The following USP5 variants were observed in gnomAD, a reference collection of about 807,000 sequenced individuals.
USP5 encodes the protein ubiquitin carboxyl-terminal hydrolase 5.
Under a neutral mutation model 102.5 loss-of-function variants are expected in USP5, and 24 were observed. That is an observed-to-expected ratio of 0.23 (90% CI 0.17 to 0.33). The LOEUF (loss-of-function observed/expected upper bound fraction) is 0.33. Among genes scored for constraint, USP5 ranks in the 10% least tolerant of loss-of-function variants. USP5 has a pLI of 1.00. For synonymous variants in USP5, 460 were observed against 434.8 expected, an observed-to-expected ratio of 1.06 and a Z score of -0.72; for missense variants, 753 against 1,122.1, an observed-to-expected ratio of 0.67 and a Z score of 4.70.
Position 6,866,414 on chromosome 12 carries a change from G to C in USP5, c.*337G>C, listed in dbSNP as rs1252484178. The C allele has an allele frequency of 1.0e-5, 3 of 292,502 alleles. No homozygotes were observed. Among genetic ancestry groups the C allele is most frequent in the African/African-American group, 4.3e-5 (2 of 47,030 alleles). The allele number at this position is 292,502 out of a possible 1,614,324, so 18.1% of individuals were successfully genotyped here. ...GGAGGGAGGGGTCTCGTTTGTGCGC[G>C]TGGGTGTAGCTTTGTGCATCCTCTC... On this transcript the variant is annotated 3_prime_UTR_variant, in exon 20 of 20. Transcript: ENST00000229268. The surrounding 1 kb of genome is among the most constrained non-coding windows in gnomAD (Gnocchi z 4.7).
At chr12:6,852,417 G>A (rs994376621) in intron 1 of USP5, 127 bp downstream of exon 1, 23 of 964,412 alleles carry the variant, frequency 2.4e-5, no homozygotes, top group Non-Finnish European at 3.2e-5. Flanking sequence ...AGTCTCCCAC[G>A]CTCCACTCTG....
chr12:6,860,614 C>A lies in USP5; in HGVS notation c.1344+123C>A. The A allele has an allele frequency of 6.7e-7, 1 of 1,502,692 alleles. No individual in the cohort carries two copies. Among genetic ancestry groups the A allele is most frequent in the East Asian group, 2.3e-5 (1 of 43,874 alleles). The allele number at this position is 1,502,692 out of a possible 1,614,324, so 93.1% of individuals were successfully genotyped here. A position where few individuals can be genotyped will look rare whatever the true frequency, so the allele number is the denominator to read the frequency against. On this transcript the variant is annotated intron_variant, in intron 11 of 19. Transcript: ENST00000229268. The surrounding 1 kb of genome is among the most constrained non-coding windows in gnomAD (Gnocchi z 5.5). ...CCCTGAACCCCAACAGTCTGTGTCC[C>A]TGTGAACAGTGCTTGCACCTGAGGA...
Position 6,860,217 on chromosome 12 carries a change from G to A in USP5, c.1197G>A (p.Gly399=), listed in dbSNP as rs781873498. ...AGCCAGTACCGGAGTCGGGCGATGG[G>A]GAGCGGGTGCCAGAACAGAAGGTGC... ...YSKPVPESGD[G]ERVPEQKEVQ... The change falls in exon 10 of 20, where the codon GGG becomes GGA. Residue 399 remains glycine, a synonymous_variant. Transcript: ENST00000229268. This position sits in a 1 kb window ranked among gnomAD's most constrained non-coding sequence, Gnocchi z 5.5. 7 of 1,608,176 alleles carry A rather than the reference G, an allele frequency of 4.4e-6. No homozygotes were observed. The Admixed American group carries it at 5.2e-5, about 12-fold the overall frequency.
Position 6,856,998 on chromosome 12 carries a change from GA to G in USP5, c.769+110del. 1 of 1,404,986 alleles carries G rather than the reference GA, an allele frequency of 7.1e-7. No homozygotes were observed. Among genetic ancestry groups the G allele is most frequent in the Admixed American group, 2.4e-5 (1 of 42,016 alleles). 87.0% of individuals were successfully genotyped at this position (1,404,986 alleles called of 1,614,324 possible). A position where few individuals can be genotyped will look rare whatever the true frequency, so the allele number is the denominator to read the frequency against. ...TGAATGCATTATCTTGATAAGAAAG[GA>G]AAGTAGTCAGGTGCGGTGGCTCATG... On this transcript the variant is annotated intron_variant, in intron 6 of 19. Transcript: ENST00000229268. The surrounding 1 kb of genome is among the most constrained non-coding windows in gnomAD (Gnocchi z 5.6).
At position 6,860,565 on chromosome 12, in the gene USP5, C is replaced by T; in HGVS notation, c.1344+74C>T. On this transcript the variant is annotated intron_variant, in intron 11 of 19. Transcript: ENST00000229268. The surrounding 1 kb of genome is among the most constrained non-coding windows in gnomAD (Gnocchi z 5.5). ...CTCTCCTTCCTGCCCATTTCTCCCTCTATCAGCCCCAACCCAGTCCCATCC... is the reference window on the plus strand; with the variant it reads ...CTCTCCTTCCTGCCCATTTCTCCCTTTATCAGCCCCAACCCAGTCCCATCC... 2.5e-6 allele frequency: 4 copies of T among 1,596,978 alleles called. No homozygotes were observed. The highest frequency in any genetic ancestry group is 1.7e-5 in the Admixed American group (1 of 59,812).
chr12:6,863,449 C>T lies in USP5; in HGVS notation c.1954+72C>T, dbSNP rs1565533580. On this transcript the variant is annotated intron_variant, in intron 15 of 19. Transcript: ENST00000229268. The surrounding 1 kb of genome is among the most constrained non-coding windows in gnomAD (Gnocchi z 4.7). Reference sequence around the variant, plus strand: ...GCCTCTCTGCCTTGCATCCCCTGCCCCTGTCCTTTGTGTTTCTCCTGTCCT... The same window carrying T: ...GCCTCTCTGCCTTGCATCCCCTGCCTCTGTCCTTTGTGTTTCTCCTGTCCT... The T allele has an allele frequency of 1.3e-6, 2 of 1,508,706 alleles. No homozygotes were observed. The highest frequency in any genetic ancestry group is 1.8e-6 in the Non-Finnish European group (2 of 1,108,718). The allele number at this position is 1,508,706 out of a possible 1,614,324, so 93.5% of individuals were successfully genotyped here.
Position 6,863,962 on chromosome 12 carries a change from T to C in USP5, c.2087T>C (p.Met696Thr). ...GCCATGAACTGGGTCATGTCACACATGGATGATCCAGGTAGGCTGGGGTGG... is the reference window on the plus strand; with the variant it reads ...GCCATGAACTGGGTCATGTCACACACGGATGATCCAGGTAGGCTGGGGTGG... ...EAAMNWVMSH[M>T]DDPDFANPLI... Residue 696 changes from methionine (M) to threonine (T), a missense_variant, in exon 16 of 20, where the codon ATG (methionine) becomes ACG (threonine). Met to Thr is a moderately conservative substitution (Grantham distance 81, BLOSUM62 -1). This residue lies in a region of USP5 where 193 missense variants were observed against 230.2 expected (regional missense o/e 0.84). Coordinates refer to ENST00000229268, the MANE Select transcript of USP5 (RefSeq NM_001098536.2). The surrounding 1 kb of genome is among the most constrained non-coding windows in gnomAD (Gnocchi z 4.7). 6.3e-7 allele frequency: 1 copy of C among 1,595,576 alleles called. No individual in the cohort carries two copies.
rs1555130125 is a variant in USP5, at chr12:6,863,914, C to T, written c.2039C>T (p.Thr680Met). Residue 680 changes from threonine (T) to methionine (M), a missense_variant, in exon 16 of 20, where the codon ACG (threonine) becomes ATG (methionine). This residue lies in a region of USP5 where 193 missense variants were observed against 230.2 expected (regional missense o/e 0.84). Coordinates refer to ENST00000229268, the MANE Select transcript of USP5 (RefSeq NM_001098536.2). The surrounding 1 kb of genome is among the most constrained non-coding windows in gnomAD (Gnocchi z 4.7). Reference protein sequence around the residue: ...MDACRKAVYYTGNSGAEAAMN... With the variant: ...MDACRKAVYYMGNSGAEAAMN... ...GCCTGCCGCAAAGCTGTCTACTACA[C>T]GGGCAACAGCGGGGCTGAGGCCGCC... 5.6e-6 allele frequency: 9 copies of T among 1,610,502 alleles called. No individual in the cohort carries two copies. Among genetic ancestry groups the T allele is most frequent in the East Asian group, 2.2e-5 (1 of 44,764 alleles).
chr12:6,860,782 G>C lies in USP5; in HGVS notation c.1345-171G>C, dbSNP rs1944255113. 6.6e-6 allele frequency among the ~76,000 whole-genome samples: 1 copy of C among 152,178 alleles called. No homozygotes were observed. Among genetic ancestry groups the C allele is most frequent in the African/African-American group, 2.4e-5 (1 of 41,428 alleles). ...AACACAGTCCCTCAGTGCAGGGATGGGGCCAGAAATGGGGAGGGGTTGGTG... is the reference window on the plus strand; with the variant it reads ...AACACAGTCCCTCAGTGCAGGGATGCGGCCAGAAATGGGGAGGGGTTGGTG... On this transcript the variant is annotated intron_variant, in intron 11 of 19. Coordinates refer to ENST00000229268, the MANE Select transcript of USP5 (RefSeq NM_001098536.2). The surrounding 1 kb of genome is among the most constrained non-coding windows in gnomAD (Gnocchi z 5.5).
Position 6,858,662 on chromosome 12 carries a change from C to G in USP5, c.1058+45C>G. The G allele has an allele frequency of 6.5e-7, 1 of 1,547,484 alleles. No homozygotes were observed. Among genetic ancestry groups the G allele is most frequent in the Non-Finnish European group, 8.8e-7 (1 of 1,131,216 alleles). On this transcript the variant is annotated intron_variant, in intron 8 of 19. Transcript: ENST00000229268. The surrounding 1 kb of genome is among the most constrained non-coding windows in gnomAD (Gnocchi z 4.2). ...TCCCCAGGCCCCCTCCTGGTCAGCA[C>G]CCTCTGGGCATACTCCTCCTTCAGC...
Position 6,860,557 on chromosome 12 carries a change from T to C in USP5, c.1344+66T>C. 6.2e-7 allele frequency: 1 copy of C among 1,601,926 alleles called. No homozygotes were observed. The highest frequency in any genetic ancestry group is 2.2e-5 in the East Asian group (1 of 44,834). ...TTTACTCGCTCTCCTTCCTGCCCAT[T>C]TCTCCCTCTATCAGCCCCAACCCAG... is the stretch of plus-strand genomic sequence containing the variant. On this transcript the variant is annotated intron_variant, in intron 11 of 19. Transcript: ENST00000229268. This position sits in a 1 kb window ranked among gnomAD's most constrained non-coding sequence, Gnocchi z 5.5.
Position 6,863,827 on chromosome 12 carries a change from C to CA in USP5, c.1955-2dup. On this transcript the variant is annotated splice_region_variant and splice_polypyrimidine_tract_variant and intron_variant, in intron 15 of 19. Coordinates refer to ENST00000229268, the MANE Select transcript of USP5 (RefSeq NM_001098536.2). This position sits in a 1 kb window ranked among gnomAD's most constrained non-coding sequence, Gnocchi z 4.7. ...GTCCGTGTACCCACAATTCCCATTA[C>CA]AGCGCCCATGCTGGATGAATCAGTC... The CA allele has an allele frequency of 6.4e-7, 1 of 1,571,118 alleles. No individual in the cohort carries two copies. The highest frequency in any genetic ancestry group is 1.2e-5 in the South Asian group (1 of 84,872).
rs911580645 is a variant in USP5, at chr12:6,866,489, G to A, written c.*412G>A. 1.6e-5 allele frequency: 3 copies of A among 188,980 alleles called. No homozygotes were observed. Among genetic ancestry groups the A allele is most frequent in the Non-Finnish European group, 3.4e-5 (3 of 89,172 alleles). 11.7% of individuals were successfully genotyped at this position (188,980 alleles called of 1,614,324 possible). A position where few individuals can be genotyped will look rare whatever the true frequency, so the allele number is the denominator to read the frequency against. ...CCCCTCCCCCTTTGTTTGCCCCTGT[G>A]TGGTTGGTCAAGGAGGGATGTGAGG... On this transcript the variant is annotated 3_prime_UTR_variant, in exon 20 of 20. Coordinates refer to ENST00000229268, the MANE Select transcript of USP5 (RefSeq NM_001098536.2). This position sits in a 1 kb window ranked among gnomAD's most constrained non-coding sequence, Gnocchi z 4.7.
chr12:6,856,516 G>C lies in USP5; in HGVS notation c.584+66G>C. The C allele has an allele frequency of 6.4e-7, 1 of 1,561,434 alleles. No individual in the cohort carries two copies. Among genetic ancestry groups the C allele is most frequent in the Middle Eastern group, 1.7e-4 (1 of 5,802 alleles). ...CAAGGACAAGGAGCCCACTTTTCTG[G>C]GGGATCTGGTGGGAGAGAGGGTAGG... On this transcript the variant is annotated intron_variant, in intron 5 of 19. Coordinates refer to ENST00000229268, the MANE Select transcript of USP5 (RefSeq NM_001098536.2). This position sits in a 1 kb window ranked among gnomAD's most constrained non-coding sequence, Gnocchi z 5.6.
In USP5 at chr12:6,866,219, TG is replaced by T; in HGVS notation, c.*145del. 1 of 740,130 alleles carries T rather than the reference TG, an allele frequency of 1.4e-6. No homozygotes were observed. Among genetic ancestry groups the T allele is most frequent in the Non-Finnish European group, 2.2e-6 (1 of 451,116 alleles). 45.8% of individuals were successfully genotyped at this position (740,130 alleles called of 1,614,324 possible). A position where few individuals can be genotyped will look rare whatever the true frequency, so the allele number is the denominator to read the frequency against. On this transcript the variant is annotated 3_prime_UTR_variant, in exon 20 of 20. Coordinates refer to ENST00000229268, the MANE Select transcript of USP5 (RefSeq NM_001098536.2). This position sits in a 1 kb window ranked among gnomAD's most constrained non-coding sequence, Gnocchi z 4.7. Reference sequence around the variant, plus strand: ...GCAGCAGGGAAGAAGCTGGAGGCCGTGGGAGAATGGCTGGGCAGAGCAGAGG... The same window carrying T: ...GCAGCAGGGAAGAAGCTGGAGGCCGTGGAGAATGGCTGGGCAGAGCAGAGG...
In USP5 at chr12:6,856,391, G is replaced by A. The variant is rs190200818; in HGVS notation, c.525G>A (p.Gln175=). The A allele has an allele frequency of 8.9e-5, 143 of 1,614,016 alleles. No homozygotes were observed. Among genetic ancestry groups the A allele is most frequent in the Middle Eastern group, 8.2e-4 (5 of 6,062 alleles). Residue 175 remains glutamine (Q), a synonymous_variant, in exon 5 of 20, where the codon CAG becomes CAA. Transcript: ENST00000229268. This position sits in a 1 kb window ranked among gnomAD's most constrained non-coding sequence, Gnocchi z 5.6. ...EVQAWDGEVR[Q]VSKHAFSLKQ... ...AGGCATGGGATGGGGAAGTACGGCA[G>A]GTGTCTAAGCATGCCTTCAGCCTCA...
At position 6,863,010 on chromosome 12, in the gene USP5, C is replaced by G. The variant is rs1676673280; in HGVS notation, c.1763-176C>G. The G allele has an allele frequency of 1.6e-6, 1 of 610,222 alleles. No homozygotes were observed. Among genetic ancestry groups the G allele is most frequent in the South Asian group, 2.4e-5 (1 of 42,108 alleles). 37.8% of individuals were successfully genotyped at this position (610,222 alleles called of 1,614,324 possible). A position where few individuals can be genotyped will look rare whatever the true frequency, so the allele number is the denominator to read the frequency against. On this transcript the variant is annotated intron_variant, in intron 14 of 19. Coordinates refer to ENST00000229268, the MANE Select transcript of USP5 (RefSeq NM_001098536.2). This position sits in a 1 kb window ranked among gnomAD's most constrained non-coding sequence, Gnocchi z 4.7. ...AGATCTAGGACCAGCATCCTGGCCT[C>G]CCAACTCCCAGGCTTAGTATTATTT... is the stretch of plus-strand genomic sequence containing the variant.
Position 6,855,328 on chromosome 12 carries a change from C to T in USP5, c.112-73C>T, listed in dbSNP as rs146802822. The stretch of plus-strand genomic sequence containing the variant: ...TCTGGAACCCAGCAGTTTCTGACTC[C>T]AGGTTTTGGTTTCCTCACCTGACCA... On this transcript the variant is annotated intron_variant, in intron 1 of 19. Transcript: ENST00000229268. The surrounding 1 kb of genome is among the most constrained non-coding windows in gnomAD (Gnocchi z 4.6). The T allele has an allele frequency of 1.3e-6, 2 of 1,581,046 alleles. No individual in the cohort carries two copies. Among genetic ancestry groups the T allele is most frequent in the East Asian group, 2.2e-5 (1 of 44,562 alleles).
intron 19 of USP5, 87 bp downstream of exon 19, chr12:6,865,335 G>T (rs1317107874): frequency 7.5e-5 from 92 of 1,234,452 alleles, no homozygotes; most frequent in Non-Finnish European, 1.1e-4. Context: ...AGCTATGGGA[G>T]AAGGTGAAGG....
Sources: gnomAD v4.1 joint callset for allele counts (sites outside exome capture counted in the v4.1 genomes callset) on GRCh38, gnomAD v4.1.1 for gene constraint, gnomAD v4.1.1 regional missense constraint, Gnocchi (gnomAD v3.1) non-coding constraint, MANE v1.5 for transcripts, NCBI Gene and HGNC (gene_info 2026-07-23, HGNC 2026-07-21) for gene names.